Variants in ASB15 observed in about 807,000 individuals in gnomAD.
ASB15 encodes the protein ankyrin repeat and SOCS box protein 15.
In ASB15, 54 loss-of-function variants were observed where a neutral mutation model predicts 58.0. The ratio of observed to expected loss-of-function variants is 0.93; its 90% confidence interval spans 0.75 to 1.17. The LOEUF (loss-of-function observed/expected upper bound fraction) is 1.17. Ranked by LOEUF, ASB15 falls within the 50% of genes most tolerant of loss-of-function variation. The pLI, the probability that ASB15 is intolerant of heterozygous loss-of-function variation, is 0.00. For synonymous variants in ASB15, 249 were observed against 262.4 expected (o/e 0.95, Z 0.50); for missense variants, 680 against 707.4 (o/e 0.96, Z 0.44).
chr7:123,634,681 C>T (rs1228261320), intron 11 of ASB15, among the ~76,000 whole-genome samples: 1 of 151,956 alleles, frequency 6.6e-6, no homozygotes, highest in Admixed American at 6.6e-5. Context: ...ATAAACTGTG[C>T]CATTAGTAAC....
chr7:123,576,820 A>G (rs1799079406), intron 1 of ASB15, among the ~76,000 whole-genome samples: 1 of 152,250 alleles, frequency 6.6e-6, no homozygotes, highest in Non-Finnish European at 1.5e-5. Context: ...ACCACTCTGT[A>G]CTTTTACTAG....
rs548494705 is a variant in ASB15 at position 123,611,402 on chromosome 7, C to A, written c.-3+2748C>A. Among the ~76,000 whole-genome samples, 12 of 152,276 alleles carry A rather than the reference C, an allele frequency of 7.9e-5. No homozygotes were observed. In the East Asian group the frequency reaches 2.1e-3, roughly 27 times the overall value. On this transcript the variant is annotated intron_variant, in intron 3 of 11. Transcript: ENST00000451215. ...CTCCGCCTCCCGGGTTCACGCCATT[C>A]TCCTGCCTCAGTCTCCCGAGTAGCT... is the stretch of plus-strand genomic sequence containing the variant.
chr7:123,578,641 C>A lies in ASB15; in HGVS notation c.-443+11553C>A, dbSNP rs536365600. On this transcript the variant is annotated intron_variant, in intron 1 of 13. Transcript: ENST00000451558. The stretch of plus-strand genomic sequence containing the variant: ...TGTATATACTCTTTTAATATCTGAG[C>A]TAATGAGAGAGATTGCTGTTTACCA... 8.0e-3 allele frequency among the ~76,000 whole-genome samples: 1,223 copies of A among 152,126 alleles called. 15 individuals are homozygous for A. The highest frequency in any genetic ancestry group is 0.027 in the African/African-American group (1,141 of 41,512).
chr7:123,589,563 A>G (rs961552262), intron 1 of ASB15, among the ~76,000 whole-genome samples: 11 of 152,032 alleles, frequency 7.2e-5, no homozygotes, highest in African/African-American at 2.4e-4. Context: ...GAGTGAGAAT[A>G]TGCTGTGTTT....
upstream of ASB15, among the ~76,000 whole-genome samples, chr7:123,600,012 A>C (rs982560963): frequency 6.6e-5 from 10 of 152,204 alleles, no homozygotes; most frequent in Non-Finnish European, 1.3e-4. Flanking sequence ...AGCATTATGA[A>C]TAGATCATTC....
chr7:123,631,627 A>C (rs1802121888), intron 11 of ASB15, among the ~76,000 whole-genome samples: 1 of 152,154 alleles, frequency 6.6e-6, no homozygotes, highest in Non-Finnish European at 1.5e-5. Context: ...CCCACAAAAA[A>C]GTTGGGGTGG....
intron 9 of ASB15, among the ~76,000 whole-genome samples, chr7:123,627,998 C>T (rs1192063423): frequency 1.3e-5 from 2 of 152,166 alleles, no homozygotes; most frequent in Non-Finnish European, 2.9e-5. Flanking sequence ...TTAGAGTTTA[C>T]CTGGATTTAC....
At chr7:123,610,059 G>T (rs1314587757) in intron 3 of ASB15, among the ~76,000 whole-genome samples, 1 of 152,136 alleles carries the variant, frequency 6.6e-6, no homozygotes, top group Non-Finnish European at 1.5e-5. Context: ...CAAAGAAAAA[G>T]ATTTATGTGT....
intron 8 of ASB15, 131 bp from the exon 9 acceptor site, chr7:123,626,979 G>A (rs983391521): frequency 4.5e-5 from 40 of 884,436 alleles, no homozygotes; most frequent in South Asian, 4.2e-4. Flanking sequence ...CTCATGATCC[G>A]CCCGCCTCAG....
At chr7:123,577,131 T>A (rs1337976674) in intron 1 of ASB15, among the ~76,000 whole-genome samples, 2 of 152,208 alleles carry the variant, frequency 1.3e-5, no homozygotes, top group Non-Finnish European at 2.9e-5. Context: ...TCTGTCTTTT[T>A]CATATTATTT....
chr7:123,568,510 A>G (rs1400523704), intron 1 of ASB15, among the ~76,000 whole-genome samples: 4 of 151,726 alleles, frequency 2.6e-5, no homozygotes, highest in East Asian at 3.9e-4. Context: ...AACAAGAGCG[A>G]AAGTCCATCT....
intron 1 of ASB15, chr7:123,585,134 G>T (rs1221274536): frequency 6.6e-6 from 1 of 151,794 alleles, no homozygotes; most frequent in African/African-American, 2.4e-5. Flanking sequence ...GCATTTCCAT[G>T]ACTTTGTTAT....
chr7:123,585,213 C>T (rs557397446), intron 1 of ASB15, among the ~76,000 whole-genome samples: 1 of 151,526 alleles, frequency 6.6e-6, no homozygotes, highest in South Asian at 2.1e-4. Context: ...TGTACCAATC[C>T]CCCTCTTAGA....
intron 7 of ASB15, among the ~76,000 whole-genome samples, chr7:123,620,551 T>C (rs1562933366): frequency 1.4e-4 from 3 of 21,232 alleles, no homozygotes; most frequent in African/African-American, 6.1e-4. Flanking sequence ...TATATATATA[T>C]ATATTTTTTT....
At chr7:123,569,785 A>G (rs772975383) in intron 1 of ASB15, among the ~76,000 whole-genome samples, 15 of 152,060 alleles carry the variant, frequency 9.9e-5, no homozygotes, top group Non-Finnish European at 1.8e-4. Context: ...CATGTAGGAA[A>G]CACTCTTGTA....
chr7:123,614,933 T>C (rs559585676), intron 4 of ASB15, among the ~76,000 whole-genome samples: 2 of 150,660 alleles, frequency 1.3e-5, no homozygotes, highest in South Asian at 4.1e-4. Flanking sequence ...GCAAGTACAG[T>C]TTATAGAACA....
At chr7:123,595,561 C>T in intron 1 of ASB15, among the ~76,000 whole-genome samples, 1 of 152,182 alleles carries the variant, frequency 6.6e-6, no homozygotes, top group African/African-American at 2.4e-5. Context: ...CATTTTCTTA[C>T]TTATGTAACA....
chr7:123,602,854 C>T (rs912510713), intron 1 of ASB15, among the ~76,000 whole-genome samples: 17 of 152,186 alleles, frequency 1.1e-4, no homozygotes, highest in Admixed American at 6.5e-4. Context: ...ACTGGTTAAG[C>T]GTGTGTGGCC....
At chr7:123,575,916 ATT>A (rs1259803715) in intron 1 of ASB15, among the ~76,000 whole-genome samples, 3 of 149,176 alleles carry the variant, frequency 2.0e-5, no homozygotes, top group Middle Eastern at 3.5e-3. Context: ...TCCTGTAAGT[ATT>A]TAGATTTAAA....
Sources: allele counts gnomAD v4.1 joint callset (sites outside exome capture counted in the v4.1 genomes callset), GRCh38; gene constraint gnomAD v4.1.1; transcripts MANE v1.5; gene names NCBI Gene and HGNC (gene_info 2026-07-23, HGNC 2026-07-21).